The following PPP6R2 variants were observed in gnomAD, a reference collection of about 807,000 sequenced individuals.
The protein encoded by PPP6R2 is protein phosphatase 6 regulatory subunit 2.
PPP6R2 carries 62 observed loss-of-function variants against 100.2 expected under a neutral mutation model. The ratio of observed to expected loss-of-function variants is 0.62; its 90% CI spans 0.50 to 0.76. The LOEUF (loss-of-function observed/expected upper bound fraction) is 0.76. Among genes scored for constraint, PPP6R2 ranks in the 30% least tolerant of loss-of-function variants. The probability of loss-of-function intolerance (pLI) is 0.00; values close to 1 mark genes in which losing one functional copy is unlikely to be tolerated. For missense variants in PPP6R2, 1,142 were observed against 1,276.3 expected, an observed-to-expected ratio of 0.89 and a Z score of 1.60; for synonymous variants, 525 against 514.7, an observed-to-expected ratio of 1.02 and a Z score of -0.27.
chr22:50,367,618 C>G (rs2049026231), intron 1 of PPP6R2, among the ~76,000 whole-genome samples: 1 of 152,164 alleles, frequency 6.6e-6, no homozygotes, highest in Admixed American at 6.5e-5. Context: ...ACCTTTGCTT[C>G]CAGTATTATT....
At chr22:50,348,567 T>A (rs1048230330) in intron 1 of PPP6R2, among the ~76,000 whole-genome samples, 1 of 152,000 alleles carries the variant, frequency 6.6e-6, no homozygotes, top group Non-Finnish European at 1.5e-5. Context: ...ATTAGGGTGG[T>A]GTCAGGGCTG....
intron 2 of PPP6R2, among the ~76,000 whole-genome samples, chr22:50,393,109 G>A (rs1441289170): frequency 6.6e-6 from 1 of 152,232 alleles, no homozygotes; most frequent in Non-Finnish European, 1.5e-5. Context: ...GAGACACTAG[G>A]AAGGACTGTC....
At chr22:50,362,399 G>A (rs2047968312) in intron 1 of PPP6R2, among the ~76,000 whole-genome samples, 2 of 152,184 alleles carry the variant, frequency 1.3e-5, no homozygotes, top group Admixed American at 6.5e-5. Context: ...CTGGGCCTCC[G>A]CTGCTGGGAG....
At chr22:50,383,988 A>G (rs1476565888) in intron 2 of PPP6R2, among the ~76,000 whole-genome samples, 1 of 150,788 alleles carries the variant, frequency 6.6e-6, no homozygotes, top group East Asian at 2.0e-4. Context: ...GTGAGCCAAG[A>G]TCACACCACT....
intron 1 of PPP6R2, among the ~76,000 whole-genome samples, chr22:50,358,822 CCATT>C (rs2047135125): frequency 6.6e-6 from 1 of 152,110 alleles, no homozygotes; most frequent in African/African-American, 2.4e-5. Context: ...ACTCTCTTCT[CCATT>C]CAATTCCATT....
At chr22:50,409,788 G>A (rs192764411) in intron 4 of PPP6R2, among the ~76,000 whole-genome samples, 92 of 152,260 alleles carry the variant, frequency 6.0e-4, no homozygotes, top group East Asian at 3.9e-4. Flanking sequence ...GTGCAGTGGC[G>A]TGACCTTGGC....
At chr22:50,372,413 G>C (rs867422204) in intron 2 of PPP6R2, among the ~76,000 whole-genome samples, 3 of 152,006 alleles carry the variant, frequency 2.0e-5, no homozygotes, top group Non-Finnish European at 4.4e-5. Context: ...GCTGGGCATA[G>C]TGGTGTGTAC....
chr22:50,388,049 TC>T (rs982367940), intron 2 of PPP6R2, among the ~76,000 whole-genome samples: 2 of 151,940 alleles, frequency 1.3e-5, no homozygotes, highest in African/African-American at 4.8e-5. Context: ...CATGCTGTAA[TC>T]CCAGTGCTCA....
chr22:50,431,556 T>A lies in PPP6R2; in HGVS notation c.1335+174T>A, dbSNP rs560077408. Among the ~76,000 whole-genome samples the A allele has an allele frequency of 1.2e-3, 185 of 152,224 alleles. 2 individuals carry two copies. Among genetic ancestry groups the A allele is most frequent in the African/African-American group, 4.3e-3 (177 of 41,554 alleles). ...TCGTAGACAGTGGGGCTTGAGTGGG[T>A]CTTGCAGATCTCATTCCTACCTGCC... On this transcript the variant is annotated intron_variant, in intron 11 of 23. Coordinates refer to ENST00000612753, the MANE Select transcript of PPP6R2 (RefSeq NM_001242898.2). The surrounding 1 kb of genome is among the most constrained non-coding windows in gnomAD (Gnocchi z 4.8).
chr22:50,354,788 ACT>A (rs1009363048), intron 1 of PPP6R2, among the ~76,000 whole-genome samples: 4 of 150,524 alleles, frequency 2.7e-5, no homozygotes, highest in East Asian at 2.0e-4. Context: ...TGACAGTGAG[ACT>A]CTCTCTCGTA....
intron 3 of PPP6R2, among the ~76,000 whole-genome samples, chr22:50,394,694 CAGG>C (rs1006571765): frequency 3.3e-5 from 5 of 149,854 alleles, no homozygotes; most frequent in African/African-American, 1.2e-4. Context: ...ATCGCTAGGT[CAGG>C]AGATTGAGAC....
chr22:50,424,474 C>T lies in PPP6R2; in HGVS notation c.1125+860C>T, dbSNP rs149627122. Among the ~76,000 whole-genome samples, 134 of 58,200 alleles carry T rather than the reference C, an allele frequency of 2.3e-3. 1 individual carries two copies. The highest frequency in any genetic ancestry group is 9.1e-3 in the Middle Eastern group (1 of 110). The allele number at this position is 58,200 out of a possible 152,430, so 38.2% of individuals were successfully genotyped here. On this transcript the variant is annotated intron_variant, in intron 10 of 23. Coordinates refer to ENST00000612753, the MANE Select transcript of PPP6R2 (RefSeq NM_001242898.2). ...AACGTCTGTCAGCGTGTGGAAGGTC[C>T]GTCCGCGTGTGGAACGTCTGTCAGC... is the stretch of plus-strand genomic sequence containing the variant.
intron 8 of PPP6R2, among the ~76,000 whole-genome samples, chr22:50,421,798 G>C (rs2059675557): frequency 6.6e-6 from 1 of 152,154 alleles, no homozygotes; most frequent in Non-Finnish European, 1.5e-5. Flanking sequence ...AACCCAGGAG[G>C]TGGAGGTTGC....
Position 50,437,489 on chromosome 22 carries a change from CCCT to C in PPP6R2, c.1684-14_1684-12del. 5.5e-6 allele frequency: 3 copies of C among 544,732 alleles called. No individual in the cohort carries two copies. Among genetic ancestry groups the C allele is most frequent in the Admixed American group, 4.1e-5 (2 of 48,832 alleles). 33.7% of individuals were successfully genotyped at this position (544,732 alleles called of 1,614,324 possible). A position where few individuals can be genotyped will look rare whatever the true frequency, so the allele number is the denominator to read the frequency against. On this transcript the variant is annotated splice_polypyrimidine_tract_variant and intron_variant, in intron 15 of 23. Transcript: ENST00000612753. ...GACCGGTGTCTGTCCGTCCCTCCCTCCCTCCCTCCCTCCCAGGCCTTCTCTGAC... is the reference window on the plus strand; with the variant it reads ...GACCGGTGTCTGTCCGTCCCTCCCTCCCCTCCCTCCCAGGCCTTCTCTGAC...
rs1488459811 is a variant in PPP6R2, at chr22:50,444,758, C to T, written c.*511C>T. 3 of 165,388 alleles carry T rather than the reference C, an allele frequency of 1.8e-5. No homozygotes were observed. The highest frequency in any genetic ancestry group is 3.9e-5 in the Non-Finnish European group (3 of 77,286). 10.2% of individuals were successfully genotyped at this position (165,388 alleles called of 1,614,324 possible). A position where few individuals can be genotyped will look rare whatever the true frequency, so the allele number is the denominator to read the frequency against. Reference sequence around the variant, plus strand: ...TGACTCACAGGAATGCATAATTGACCCTTGCAGCTACCCAATAGCCCTTGG... The same window carrying T: ...TGACTCACAGGAATGCATAATTGACTCTTGCAGCTACCCAATAGCCCTTGG... On this transcript the variant is annotated 3_prime_UTR_variant, in exon 24 of 24. Transcript: ENST00000612753.
chr22:50,404,373 G>A (rs570873515), intron 3 of PPP6R2, among the ~76,000 whole-genome samples: 1 of 151,778 alleles, frequency 6.6e-6, no homozygotes, highest in African/African-American at 2.4e-5. Flanking sequence ...GGGATTACAG[G>A]TGTGAGCCAC....
chr22:50,365,732 AT>A lies in PPP6R2; in HGVS notation c.-147-6286del, dbSNP rs777151238. Among the ~76,000 whole-genome samples the A allele has an allele frequency of 2.9e-5, 4 of 136,320 alleles. No homozygotes were observed. The South Asian group carries it at 9.4e-4, about 32-fold the overall frequency. The allele number at this position is 136,320 out of a possible 152,430, so 89.4% of individuals were successfully genotyped here. ...TGTCCTTATCAATTCTTTATTTATTATTATTTTTTTAGAGACAGTGTTCTGT... is the reference window on the plus strand; with the variant it reads ...TGTCCTTATCAATTCTTTATTTATTATATTTTTTTAGAGACAGTGTTCTGT... On this transcript the variant is annotated intron_variant, in intron 1 of 23. Coordinates refer to ENST00000612753, the MANE Select transcript of PPP6R2 (RefSeq NM_001242898.2).
intron 12 of PPP6R2, among the ~76,000 whole-genome samples, chr22:50,434,033 C>T (rs1380523866): frequency 5.9e-5 from 3 of 51,266 alleles, no homozygotes; most frequent in Admixed American, 1.9e-4. Flanking sequence ...GGAGGAGGGC[C>T]GGGGGCGCGG....
At chr22:50,400,079 T>C (rs1457004039) in intron 3 of PPP6R2, among the ~76,000 whole-genome samples, 1 of 152,184 alleles carries the variant, frequency 6.6e-6, no homozygotes, top group African/African-American at 2.4e-5. Flanking sequence ...GATTGCAGAA[T>C]TAGAACTGCT....
Sources: gnomAD v4.1 joint callset for allele counts (sites outside exome capture counted in the v4.1 genomes callset) on GRCh38, gnomAD v4.1.1 for gene constraint, Gnocchi (gnomAD v3.1) non-coding constraint, MANE v1.5 for transcripts, NCBI Gene and HGNC (gene_info 2026-07-23, HGNC 2026-07-21) for gene names.